UNC5A: variants seen among roughly 807,000 people sequenced by gnomAD.
The protein encoded by UNC5A is unc-5 netrin receptor A, also known as netrin receptor UNC5A.
In UNC5A, 20 loss-of-function variants were observed where a neutral mutation model predicts 87.4. The ratio of observed to expected loss-of-function variants is 0.23; its 90% confidence interval spans 0.16 to 0.33. UNC5A has a LOEUF of 0.33. Among genes scored for constraint, UNC5A ranks in the 10% least tolerant of loss-of-function variants. The pLI, the probability that UNC5A is intolerant of heterozygous loss-of-function variation, is 1.00. For missense variants in UNC5A, 844 were observed against 1,133.4 expected, an observed-to-expected ratio of 0.74 and a Z score of 3.67; for synonymous variants, 438 against 482.3, an observed-to-expected ratio of 0.91 and a Z score of 1.20.
intron 1 of UNC5A, among the ~76,000 whole-genome samples, chr5:176,852,299 A>G (rs1423730564): frequency 1.3e-5 from 2 of 151,632 alleles, no homozygotes; most frequent in African/African-American, 2.4e-5. Context: ...GAAACACTAC[A>G]TACACCACAC....
intron 1 of UNC5A, among the ~76,000 whole-genome samples, chr5:176,856,515 A>C (rs1757670810): frequency 6.6e-6 from 1 of 152,210 alleles, no homozygotes; most frequent in Non-Finnish European, 1.5e-5. Context: ...TCCTGCCCCC[A>C]GGGAGTTTAT....
chr5:176,839,622 C>T (rs374493374), intron 1 of UNC5A, among the ~76,000 whole-genome samples: 3 of 152,302 alleles, frequency 2.0e-5, no homozygotes, highest in East Asian at 3.9e-4. Flanking sequence ...AAGATCCTTG[C>T]CCCTGAAACT....
chr5:176,811,122 T>G (rs572330036), intron 1 of UNC5A, among the ~76,000 whole-genome samples: 1 of 152,182 alleles, frequency 6.6e-6, no homozygotes, highest in Non-Finnish European at 1.5e-5. Context: ...GGAGCAGGGC[T>G]GGGGGTTTGG....
chr5:176,843,990 T>C (rs957000998), intron 1 of UNC5A, among the ~76,000 whole-genome samples: 3 of 152,256 alleles, frequency 2.0e-5, no homozygotes, highest in African/African-American at 7.2e-5. Context: ...AAATAAAGTT[T>C]GTTATGAATT....
chr5:176,830,151 A>T (rs1288023262), intron 1 of UNC5A, among the ~76,000 whole-genome samples: 1 of 152,118 alleles, frequency 6.6e-6, no homozygotes, highest in Non-Finnish European at 1.5e-5. Flanking sequence ...GTGCCATGAG[A>T]ACCGCTCTAA....
chr5:176,873,939 C>A (rs1466542097), intron 6 of UNC5A, 29 bp from the exon 7 acceptor site: 2 of 1,605,256 alleles, frequency 1.2e-6, no homozygotes, highest in South Asian at 1.1e-5. Context: ...ACACCCCTGC[C>A]CCCACCAAGG....
At chr5:176,861,908 G>T (rs1757849749) in intron 1 of UNC5A, among the ~76,000 whole-genome samples, 1 of 152,248 alleles carries the variant, frequency 6.6e-6, no homozygotes, top group East Asian at 1.9e-4. Context: ...GGACCTGCTG[G>T]TTGGGCAGGG....
In UNC5A at chr5:176,820,191, A is replaced by G. The variant is rs1012204820; in HGVS notation, c.70+9371A>G. Among the ~76,000 whole-genome samples, 5 of 152,196 alleles carry G rather than the reference A, an allele frequency of 3.3e-5. No homozygotes were observed. In the East Asian group the frequency reaches 9.7e-4, roughly 29 times the overall value. The stretch of plus-strand genomic sequence containing the variant: ...GGCGGGTGGATCACGAGGTCAGGAA[A>G]TCGAGACCATCCTGGCTAACATGGT... On this transcript the variant is annotated intron_variant, in intron 1 of 14. Coordinates refer to ENST00000329542, the MANE Select transcript of UNC5A (RefSeq NM_133369.3).
At chr5:176,840,920 C>G (rs1403788758) in intron 1 of UNC5A, among the ~76,000 whole-genome samples, 2 of 152,232 alleles carry the variant, frequency 1.3e-5, no homozygotes, top group African/African-American at 4.8e-5. Flanking sequence ...GAGCTGCTGG[C>G]AGTGGGGTGG....
chr5:176,854,434 G>A (rs909979528), intron 1 of UNC5A, among the ~76,000 whole-genome samples: 3 of 152,206 alleles, frequency 2.0e-5, no homozygotes, highest in Non-Finnish European at 4.4e-5. Context: ...GGATGCAGGT[G>A]GCAGGGAGTG....
rs982793463 is a variant in UNC5A at position 176,824,653 on chromosome 5, C to T, written c.70+13833C>T. On this transcript the variant is annotated intron_variant, in intron 1 of 14. Transcript: ENST00000329542. This position sits in a 1 kb window ranked among gnomAD's most constrained non-coding sequence, Gnocchi z 4.2. ...AGATCTGGGCTGGGCCCAGCAAGCCCATTTTCCTGGGTGGCTGGGGCTGGA... is the reference window on the plus strand; with the variant it reads ...AGATCTGGGCTGGGCCCAGCAAGCCTATTTTCCTGGGTGGCTGGGGCTGGA... Among the ~76,000 whole-genome samples, 1 of 152,222 alleles carries T rather than the reference C, an allele frequency of 6.6e-6. No homozygotes were observed. Among genetic ancestry groups the T allele is most frequent in the African/African-American group, 2.4e-5 (1 of 41,456 alleles).
rs889679191 is a variant in UNC5A at position 176,866,730 on chromosome 5, C to G, written c.293-1400C>G. Reference sequence around the variant, plus strand: ...TGAAAGATAGCTGGTGCCCAAGGCCCCTCTCCTATACAAGGACCCTGTGAG... The same window carrying G: ...TGAAAGATAGCTGGTGCCCAAGGCCGCTCTCCTATACAAGGACCCTGTGAG... On this transcript the variant is annotated intron_variant, in intron 2 of 14. Coordinates refer to ENST00000329542, the MANE Select transcript of UNC5A (RefSeq NM_133369.3). The surrounding 1 kb of genome is among the most constrained non-coding windows in gnomAD (Gnocchi z 5.0). Among the ~76,000 whole-genome samples, 4 of 152,198 alleles carry G rather than the reference C, an allele frequency of 2.6e-5. No homozygotes were observed. Among genetic ancestry groups the G allele is most frequent in the African/African-American group, 9.7e-5 (4 of 41,446 alleles).
Position 176,824,394 on chromosome 5 carries a change from G to A in UNC5A, c.70+13574G>A, listed in dbSNP as rs968218208. On this transcript the variant is annotated intron_variant, in intron 1 of 14. Transcript: ENST00000329542. The surrounding 1 kb of genome is among the most constrained non-coding windows in gnomAD (Gnocchi z 4.2). ...CTGGCCCTAGATCCACAAACTTCCC[G>A]CTTTAACGCCCGTGTGAGTTGGGTT... is the stretch of plus-strand genomic sequence containing the variant. 2.0e-5 allele frequency among the ~76,000 whole-genome samples: 3 copies of A among 152,048 alleles called. No homozygotes were observed. The highest frequency in any genetic ancestry group is 1.3e-4 in the Admixed American group (2 of 15,264).
rs985549847 is a variant in UNC5A, at chr5:176,824,030, G to A, written c.70+13210G>A. Among the ~76,000 whole-genome samples the A allele has an allele frequency of 3.9e-5, 6 of 152,228 alleles. No individual in the cohort carries two copies. The highest frequency in any genetic ancestry group is 2.1e-4 in the South Asian group (1 of 4,826). On this transcript the variant is annotated intron_variant, in intron 1 of 14. Coordinates refer to ENST00000329542, the MANE Select transcript of UNC5A (RefSeq NM_133369.3). The surrounding 1 kb of genome is among the most constrained non-coding windows in gnomAD (Gnocchi z 4.2). ...GGAGAAAGCACCTGTCCCAGCTGGC[G>A]AATGGTCCCGGAGATCCTGGGCACA...
In UNC5A at chr5:176,824,402, G is replaced by A. The variant is rs1279132587; in HGVS notation, c.70+13582G>A. 2.6e-5 allele frequency among the ~76,000 whole-genome samples: 4 copies of A among 152,024 alleles called. No homozygotes were observed. The highest frequency in any genetic ancestry group is 2.9e-5 in the Non-Finnish European group (2 of 68,012). ...AGATCCACAAACTTCCCGCTTTAAC[G>A]CCCGTGTGAGTTGGGTTTCTGTGTC... On this transcript the variant is annotated intron_variant, in intron 1 of 14. Transcript: ENST00000329542. The surrounding 1 kb of genome is among the most constrained non-coding windows in gnomAD (Gnocchi z 4.2).
intron 1 of UNC5A, among the ~76,000 whole-genome samples, chr5:176,818,958 C>G (rs572139273): frequency 8.5e-5 from 13 of 152,184 alleles, no homozygotes; most frequent in Non-Finnish European, 1.5e-4. Context: ...GGGACTTGCC[C>G]GGGCCACACT....
rs1202088029 is a variant in UNC5A at position 176,874,270 on chromosome 5, C to T, written c.1082C>T (p.Pro361Leu). 6.3e-7 allele frequency: 1 copy of T among 1,587,324 alleles called. No individual in the cohort carries two copies. The highest frequency in any genetic ancestry group is 1.2e-5 in the South Asian group (1 of 86,662). The part of the protein sequence containing the change: ...VSIKPSKADN[P>L]HLLTIQPDLS... ...GTCTGTCTTTATCCTGCAGACAACC[C>T]CCATCTGCTCACCATCCAGCCGGAC... The change falls in exon 8 of 15, where the codon CCC (proline) becomes CTC (leucine). Residue 361 changes from proline to leucine, a missense_variant. Physicochemically the swap from Pro to Leu is moderately conservative, Grantham distance 98 (BLOSUM62 -3). This residue lies in a region of UNC5A where 353 missense variants were observed against 387.5 expected (regional missense o/e 0.91). Coordinates refer to ENST00000329542, the MANE Select transcript of UNC5A (RefSeq NM_133369.3). The surrounding 1 kb of genome is among the most constrained non-coding windows in gnomAD (Gnocchi z 7.6).
At position 176,877,994 on chromosome 5, in the gene UNC5A, C is replaced by T. The variant is rs761967527; in HGVS notation, c.1736C>T (p.Ala579Val). ...TTCACCGAGCAGCTGGGCCGCTTTG[C>T]CCTGGTGGGAGAGGCCCTCAGCGTG... is the stretch of plus-strand genomic sequence containing the variant. ...YVFTEQLGRFALVGEALSVAA... is the reference protein window; with the variant it reads ...YVFTEQLGRFVLVGEALSVAA... Residue 579 changes from alanine (A) to valine (V), a missense_variant, in exon 11 of 15, where the codon GCC becomes GTC. Physicochemically the swap from Ala to Val is moderately conservative, Grantham distance 64. Coordinates refer to ENST00000329542, the MANE Select transcript of UNC5A (RefSeq NM_133369.3). 2 of 1,606,476 alleles carry T rather than the reference C, an allele frequency of 1.2e-6. No homozygotes were observed.
At chr5:176,847,508 C>A (rs1157452335) in intron 1 of UNC5A, among the ~76,000 whole-genome samples, 1 of 152,088 alleles carries the variant, frequency 6.6e-6, no homozygotes. Context: ...TTAAGGGGAA[C>A]AAGCGCAGAG....
Sources: gnomAD v4.1 joint callset for allele counts (sites outside exome capture counted in the v4.1 genomes callset) on GRCh38, gnomAD v4.1.1 for gene constraint, gnomAD v4.1.1 regional missense constraint, Gnocchi (gnomAD v3.1) non-coding constraint, MANE v1.5 for transcripts, NCBI Gene and HGNC (gene_info 2026-07-23, HGNC 2026-07-21) for gene names.